Variants in PKHD1 observed in about 807,000 individuals in gnomAD.
PKHD1 encodes PKHD1 ciliary IPT domain containing fibrocystin/polyductin.
Under a neutral mutation model 412.0 loss-of-function variants are expected in PKHD1, and 291 were observed. That is an observed-to-expected ratio of 0.71 (90% CI 0.64 to 0.78). The LOEUF (loss-of-function observed/expected upper bound fraction) is 0.78. PKHD1 is among the 30% of genes least tolerant of loss of function. PKHD1 has a pLI of 0.00. For synonymous variants in PKHD1, 1,777 were observed against 1,821.5 expected, an observed-to-expected ratio of 0.98 and a Z score of 0.62; for missense variants, 4,825 against 4,950.7, an observed-to-expected ratio of 0.97 and a Z score of 0.76.
At chr6:52,029,226 A>T (rs1264546767) in intron 29 of PKHD1, among the ~76,000 whole-genome samples, 1 of 120,942 alleles carries the variant, frequency 8.3e-6, no homozygotes, top group Non-Finnish European at 2.1e-5. Flanking sequence ...AATTACTAAA[A>T]AAGAAAAAAA....
At chr6:51,733,782 T>C (rs1783513867) in intron 60 of PKHD1, among the ~76,000 whole-genome samples, 1 of 152,226 alleles carries the variant, frequency 6.6e-6, no homozygotes. Flanking sequence ...GAAAGACTTA[T>C]ACTCTGTCAT....
intron 55 of PKHD1, among the ~76,000 whole-genome samples, chr6:51,767,506 C>T (rs575394772): frequency 6.2e-4 from 95 of 152,196 alleles, no homozygotes; most frequent in African/African-American, 2.1e-3. Context: ...GTGATGTTCC[C>T]CTTCCTGTGT....
intron 60 of PKHD1, among the ~76,000 whole-genome samples, chr6:51,702,647 C>T (rs1779582635): frequency 6.6e-6 from 1 of 151,912 alleles, no homozygotes; most frequent in South Asian, 2.1e-4. Context: ...ATTTTAATAA[C>T]TGAACAAGAA....
At chr6:52,061,738 C>T (rs148055074) in intron 14 of PKHD1, among the ~76,000 whole-genome samples, 2 of 151,882 alleles carry the variant, frequency 1.3e-5, no homozygotes, top group Non-Finnish European at 2.9e-5. Flanking sequence ...AGGTCACAGA[C>T]TGACTGAAAT....
At position 52,058,461 on chromosome 6, in the gene PKHD1, A is replaced by G. The variant is rs766825685; in HGVS notation, c.1374T>C (p.His458=). Residue 458 remains histidine (H), a synonymous_variant, in exon 16 of 67, where the codon CAT becomes CAC. Transcript: ENST00000371117. ...TCCCCCTGCTTGGGGCTATCCCATG[A>G]TGCTCTGCTTCCAGGTAGTACATGG... is the stretch of plus-strand genomic sequence containing the variant. The part of the protein sequence containing the change: ...GGAMYYLEAE[H]HGIAPSRGMR... 6.2e-7 allele frequency: 1 copy of G among 1,614,142 alleles called. No homozygotes were observed. The highest frequency in any genetic ancestry group is 8.5e-7 in the Non-Finnish European group (1 of 1,180,010).
chr6:51,982,158 C>CA, intron 35 of PKHD1, among the ~76,000 whole-genome samples: 1 of 35,410 alleles, frequency 2.8e-5, no homozygotes, highest in South Asian at 9.8e-4. Flanking sequence ...CGTCTCCGCC[C>CA]GGCAGCCACC....
intron 38 of PKHD1, 88 bp downstream of exon 38, chr6:51,912,278 G>A (rs1783074538): frequency 1.2e-6 from 1 of 846,242 alleles, no homozygotes; most frequent in Non-Finnish European, 2.0e-6. Flanking sequence ...ATATATCATT[G>A]AAAGACCCCA....
rs1278769614 is a variant in PKHD1, at chr6:52,043,079, G to T, written c.2877C>A (p.Ser959=). Residue 959 remains serine, a synonymous_variant, in exon 27 of 67, where the codon TCC becomes TCA. Transcript: ENST00000371117. ...YITGTGFSGD[S]QFLQVTVNKT... is the part of the protein sequence containing the mutation. ...TGTTCACTGTAACCTGCAAGAACTGGGAGTCACCAGAGAAACCAGTTCCGG... is the reference window on the plus strand; with the variant it reads ...TGTTCACTGTAACCTGCAAGAACTGTGAGTCACCAGAGAAACCAGTTCCGG... 3.7e-6 allele frequency: 6 copies of T among 1,613,526 alleles called. No homozygotes were observed. Among genetic ancestry groups the T allele is most frequent in the Non-Finnish European group, 4.2e-6 (5 of 1,179,644 alleles).
At chr6:52,055,474 T>C in intron 19 of PKHD1, 113 bp downstream of exon 19, 5 of 1,218,788 alleles carry the variant, frequency 4.1e-6, no homozygotes, top group Non-Finnish European at 6.0e-6. Context: ...CTGAAACACC[T>C]TGGGCAGATC....
At chr6:51,738,352 A>G (rs563016747) in intron 60 of PKHD1, among the ~76,000 whole-genome samples, 1 of 152,358 alleles carries the variant, frequency 6.6e-6, no homozygotes, top group Non-Finnish European at 1.5e-5. Flanking sequence ...AGTGAGAGGA[A>G]ATGAGGGGAT....
chr6:52,027,959 A>T, intron 30 of PKHD1, 63 bp from the exon 31 acceptor site: 1 of 1,334,192 alleles, frequency 7.5e-7, no homozygotes, highest in Non-Finnish European at 1.1e-6. Context: ...AGAGTAAGCC[A>T]GAAGAGCCAT....
At chr6:51,972,406 T>C (rs148198300) in intron 35 of PKHD1, among the ~76,000 whole-genome samples, 420 of 152,326 alleles carry the variant, frequency 2.8e-3, no homozygotes, top group African/African-American at 9.6e-3. Flanking sequence ...TATTTGATAA[T>C]GTGCAAGGTT....
intron 60 of PKHD1, among the ~76,000 whole-genome samples, chr6:51,740,563 T>G (rs1784436173): frequency 6.6e-6 from 1 of 152,256 alleles, no homozygotes; most frequent in Admixed American, 6.5e-5. Context: ...TTGCTTTCTC[T>G]GATTTACTGA....
chr6:51,619,981 T>C (rs1165917745), intron 66 of PKHD1, among the ~76,000 whole-genome samples: 1 of 152,216 alleles, frequency 6.6e-6, no homozygotes, highest in African/African-American at 2.4e-5. Flanking sequence ...AACATGAATA[T>C]AAATATTTGC....
chr6:51,699,152 A>C (rs1259006864), intron 60 of PKHD1, among the ~76,000 whole-genome samples: 4 of 152,194 alleles, frequency 2.6e-5, no homozygotes, highest in Non-Finnish European at 4.4e-5. Flanking sequence ...CAACAAATGT[A>C]TACAGATTCA....
intron 60 of PKHD1, among the ~76,000 whole-genome samples, chr6:51,713,269 T>C (rs1213300276): frequency 6.6e-6 from 1 of 152,250 alleles, no homozygotes; most frequent in Non-Finnish European, 1.5e-5. Flanking sequence ...CATAACTTTT[T>C]TGAATACTTT....
At chr6:51,827,805 G>C (rs6924051) in intron 52 of PKHD1, among the ~76,000 whole-genome samples, 67,102 of 151,690 alleles carry the variant, frequency 0.44, 15,881 homozygotes, top group Middle Eastern at 0.61. Context: ...GCCTTGAACA[G>C]AGTGAATGTT....
chr6:51,673,481 A>G lies in PKHD1; in HGVS notation c.10157-13512T>C, dbSNP rs533834589. Among the ~76,000 whole-genome samples the G allele has an allele frequency of 2.0e-5, 3 of 152,330 alleles. No individual in the cohort carries two copies. In the East Asian group the frequency reaches 5.8e-4, roughly 29 times the overall value. On this transcript the variant is annotated intron_variant, in intron 60 of 66. Transcript: ENST00000371117. ...GGTGGCCGACTCACTTGCTATAGCA[A>G]GTTCAGATAAATAGCAATTGCCGGT... is the stretch of plus-strand genomic sequence containing the variant.
Position 51,635,429 on chromosome 6 carries a change from C to A in PKHD1, c.11507-2706G>T, listed in dbSNP as rs145624928. 6.6e-3 allele frequency among the ~76,000 whole-genome samples: 1,002 copies of A among 152,238 alleles called. 12 individuals are homozygous for A. Among genetic ancestry groups the A allele is most frequent in the African/African-American group, 0.023 (954 of 41,534 alleles). On this transcript the variant is annotated intron_variant, in intron 64 of 66. Coordinates refer to ENST00000371117, the MANE Select transcript of PKHD1 (RefSeq NM_138694.4). ...TTAAAACTGCAATCTTAAAAATAAT[C>A]TCAATATATTCACTTATTCATAAAC...
Sources: allele counts gnomAD v4.1 joint callset (sites outside exome capture counted in the v4.1 genomes callset), GRCh38; gene constraint gnomAD v4.1.1; transcripts MANE v1.5; gene names NCBI Gene and HGNC (gene_info 2026-07-23, HGNC 2026-07-21).